Variants in SLC7A10 observed in about 807,000 individuals in gnomAD.
The protein encoded by SLC7A10 is solute carrier family 7 member 10, also known as asc-type amino acid transporter 1.
Under a neutral mutation model 52.7 loss-of-function variants are expected in SLC7A10, and 30 were observed. The observed-to-expected ratio is 0.57, with a 90% CI of 0.43 to 0.77. The LOEUF is 0.77. Among genes scored for constraint, SLC7A10 ranks in the 30% least tolerant of loss-of-function variants. SLC7A10 has a pLI of 0.00. For missense variants in SLC7A10, 581 were observed against 698.5 expected, an observed-to-expected ratio of 0.83 and a Z score of 1.90; for synonymous variants, 318 against 314.9, an observed-to-expected ratio of 1.01 and a Z score of -0.10.
At chr19:33,215,656 C>G (rs1481589133) in intron 2 of SLC7A10, 113 bp downstream of exon 2, 1 of 1,162,736 alleles carries the variant, frequency 8.6e-7, no homozygotes, top group Non-Finnish European at 1.2e-6. Context: ...CTCCATCCAC[C>G]CCCACGACCT....
intron 2 of SLC7A10, 108 bp downstream of exon 2, chr19:33,215,661 C>T (rs529318879): frequency 4.5e-5 from 53 of 1,165,214 alleles, no homozygotes; most frequent in Middle Eastern, 3.1e-4. Flanking sequence ...TCCACCCCCA[C>T]GACCTCCCTA....
intron 2 of SLC7A10, among the ~76,000 whole-genome samples, chr19:33,214,054 G>C (rs1351997846): frequency 6.6e-6 from 1 of 152,118 alleles, no homozygotes; most frequent in Non-Finnish European, 1.5e-5. Context: ...CTCCTCCCCT[G>C]CCAGGCATCC....
intron 1 of SLC7A10, among the ~76,000 whole-genome samples, chr19:33,223,321 A>AAAAAAAAAG (rs1282652982): frequency 3.3e-5 from 5 of 151,874 alleles, no homozygotes; most frequent in African/African-American, 1.2e-4. Context: ...AAAAAAAAAA[A>AAAAAAAAAG]AAAAAAAGAA....
At chr19:33,221,773 GCAGGAGCCGGACTCT>G (rs1171068772) in intron 1 of SLC7A10, among the ~76,000 whole-genome samples, 5 of 152,188 alleles carry the variant, frequency 3.3e-5, no homozygotes, top group African/African-American at 1.2e-4. Context: ...ACAAACCCCT[GCAGGAGCCGGACTCT>G]CAAGTCAAAG....
Position 33,208,874 on chromosome 19 carries a change from C to A in SLC7A10, c.*17G>T. 1 of 1,609,272 alleles carries A rather than the reference C, an allele frequency of 6.2e-7. No homozygotes were observed. Among genetic ancestry groups the A allele is most frequent in the Non-Finnish European group, 8.5e-7 (1 of 1,177,226 alleles). On this transcript the variant is annotated 3_prime_UTR_variant, in exon 11 of 11. Coordinates refer to ENST00000253188, the MANE Select transcript of SLC7A10 (RefSeq NM_019849.3). The surrounding 1 kb of genome is among the most constrained non-coding windows in gnomAD (Gnocchi z 4.7). ...AACATGTAAACAGAAACAACTGCTT[C>A]AGTCTCTACAAAAATCTCATTGTGG... is the stretch of plus-strand genomic sequence containing the variant.
Position 33,210,356 on chromosome 19 carries a change from A to G in SLC7A10, c.1263+111T>C. On this transcript the variant is annotated intron_variant, in intron 9 of 10. Coordinates refer to ENST00000253188, the MANE Select transcript of SLC7A10 (RefSeq NM_019849.3). This position sits in a 1 kb window ranked among gnomAD's most constrained non-coding sequence, Gnocchi z 5.6. ...CACAGAGAGCCCTGAGCAGGGCCCAACACTCCACAAAAGCTGGCACCTCCC... is the reference window on the plus strand; with the variant it reads ...CACAGAGAGCCCTGAGCAGGGCCCAGCACTCCACAAAAGCTGGCACCTCCC... 7.3e-7 allele frequency: 1 copy of G among 1,373,308 alleles called. No individual in the cohort carries two copies. Among genetic ancestry groups the G allele is most frequent in the Non-Finnish European group, 9.9e-7 (1 of 1,007,914 alleles). 85.1% of individuals were successfully genotyped at this position (1,373,308 alleles called of 1,614,324 possible).
chr19:33,224,113 G>A (rs1974873114), intron 1 of SLC7A10, among the ~76,000 whole-genome samples: 1 of 152,102 alleles, frequency 6.6e-6, no homozygotes, highest in African/African-American at 2.4e-5. Flanking sequence ...AGGAGCCCAG[G>A]CAGAGCTGTG....
At chr19:33,216,348 C>G (rs538199822) in intron 1 of SLC7A10, among the ~76,000 whole-genome samples, 2 of 152,278 alleles carry the variant, frequency 1.3e-5, no homozygotes, top group African/African-American at 4.8e-5. Context: ...CTCAGGCACC[C>G]CACAAGGCCC....
In SLC7A10 at chr19:33,212,457, G is replaced by A; in HGVS notation, c.635-12C>T. 6.2e-7 allele frequency: 1 copy of A among 1,613,902 alleles called. No homozygotes were observed. The highest frequency in any genetic ancestry group is 8.5e-7 in the Non-Finnish European group (1 of 1,180,042). The stretch of plus-strand genomic sequence containing the variant: ...CTCCTCGAAGTGTCCTGGAGGCCCA[G>A]AAGTCGGGGGTCAGCACCATCTCCC... On this transcript the variant is annotated splice_polypyrimidine_tract_variant and intron_variant, in intron 4 of 10. Coordinates refer to ENST00000253188, the MANE Select transcript of SLC7A10 (RefSeq NM_019849.3).
rs184794938 is a variant in SLC7A10 at position 33,212,685 on chromosome 19, C to T, written c.509-46G>A. The T allele has an allele frequency of 1.1e-5, 18 of 1,613,010 alleles. No individual in the cohort carries two copies. The African/African-American group carries it at 1.5e-4, about 13-fold the overall frequency. ...TGGGCGCCGAGGCCGGGACCTTTCA[C>T]AGTGGACCATGGCCAAGTCCAGCCC... is the stretch of plus-strand genomic sequence containing the variant. On this transcript the variant is annotated intron_variant, in intron 3 of 10. Coordinates refer to ENST00000253188, the MANE Select transcript of SLC7A10 (RefSeq NM_019849.3).
rs982238935 is a variant in SLC7A10, at chr19:33,210,681, G to T, written c.1114-65C>A. 32 of 1,608,566 alleles carry T rather than the reference G, an allele frequency of 2.0e-5. No individual in the cohort carries two copies. The African/African-American group carries it at 3.7e-4, about 19-fold the overall frequency. On this transcript the variant is annotated intron_variant, in intron 8 of 10. Transcript: ENST00000253188. The surrounding 1 kb of genome is among the most constrained non-coding windows in gnomAD (Gnocchi z 5.6). ...GCCTCCTGACGCCCCTGCAGGATGA[G>T]CCCTGGCCCCACCCCCAACCCCCAC...
At chr19:33,223,659 C>G (rs902420215) in intron 1 of SLC7A10, among the ~76,000 whole-genome samples, 2 of 152,138 alleles carry the variant, frequency 1.3e-5, no homozygotes, top group African/African-American at 4.8e-5. Flanking sequence ...GCTCCCCGGG[C>G]CAGGCCAAGA....
intron 9 of SLC7A10, 112 bp from the exon 10 acceptor site, chr19:33,209,597 A>C (rs1454590538): frequency 8.8e-7 from 1 of 1,136,932 alleles, no homozygotes; most frequent in African/African-American, 1.6e-5. Context: ...TGAGGCCTGA[A>C]GGGCAATTGC....
At chr19:33,222,200 A>G (rs1974823751) in intron 1 of SLC7A10, among the ~76,000 whole-genome samples, 1 of 151,804 alleles carries the variant, frequency 6.6e-6, no homozygotes, top group African/African-American at 2.4e-5. Context: ...GGAATTTGAG[A>G]TCAGCCTGGG....
At chr19:33,212,194 G>A in intron 5 of SLC7A10, 98 bp downstream of exon 5, 1 of 1,525,880 alleles carries the variant, frequency 6.6e-7, no homozygotes, top group Admixed American at 2.0e-5. Context: ...CCGAGGACCA[G>A]CCCGAGCCTT....
At chr19:33,220,831 A>C (rs1974797424) in intron 1 of SLC7A10, 1 of 152,148 alleles carries the variant, frequency 6.6e-6, no homozygotes, top group Non-Finnish European at 1.5e-5. Context: ...CTTGGGCCAC[A>C]ACCTTGAGTC....
intron 1 of SLC7A10, among the ~76,000 whole-genome samples, chr19:33,217,344 G>A (rs1023424737): frequency 6.6e-6 from 1 of 152,166 alleles, no homozygotes; most frequent in Admixed American, 6.5e-5. Flanking sequence ...GAAACATTCA[G>A]GGGGGCCAAC....
At chr19:33,214,793 C>T (rs1399326068) in intron 2 of SLC7A10, among the ~76,000 whole-genome samples, 1 of 152,172 alleles carries the variant, frequency 6.6e-6, no homozygotes, top group Non-Finnish European at 1.5e-5. Context: ...TGTACACACT[C>T]TCAAAGCAAG....
intron 10 of SLC7A10, 42 bp from the exon 11 acceptor site, chr19:33,209,063 A>G: frequency 3.1e-6 from 5 of 1,611,250 alleles, no homozygotes; most frequent in Non-Finnish European, 4.2e-6. Context: ...ACCTCTCGGG[A>G]TAGGGGTGAC....
Sources: allele counts gnomAD v4.1 joint callset (sites outside exome capture counted in the v4.1 genomes callset), GRCh38; gene constraint gnomAD v4.1.1; non-coding constraint Gnocchi (gnomAD v3.1); transcripts MANE v1.5; gene names NCBI Gene and HGNC (gene_info 2026-07-23, HGNC 2026-07-21).